The following PRKCA variants were observed in gnomAD, a reference collection of about 807,000 sequenced individuals.
PRKCA encodes protein kinase C alpha.
Under a neutral mutation model 87.0 loss-of-function variants are expected in PRKCA, and 27 were observed. The observed-to-expected ratio is 0.31, with a 90% CI of 0.23 to 0.43. The LOEUF (loss-of-function observed/expected upper bound fraction) is 0.43, where lower values mean the gene tolerates loss of function less well. PRKCA is among the 20% of genes least tolerant of loss of function. The pLI is 1.00. For synonymous variants in PRKCA, 329 were observed against 311.1 expected, an observed-to-expected ratio of 1.06 and a Z score of -0.61; for missense variants, 518 against 852.3, an observed-to-expected ratio of 0.61 and a Z score of 4.88.
intron 2 of PRKCA, among the ~76,000 whole-genome samples, chr17:66,459,207 A>AG (rs531512874): frequency 2.0e-5 from 1 of 49,966 alleles, no homozygotes; most frequent in Non-Finnish European, 5.2e-5. Flanking sequence ...TCCCTGTCTC[A>AG]AAAAAAAAAA....
chr17:66,346,506 A>G (rs536322898), intron 2 of PRKCA, among the ~76,000 whole-genome samples: 1 of 151,872 alleles, frequency 6.6e-6, no homozygotes, highest in East Asian at 1.9e-4. Context: ...CAGCCTCCCA[A>G]GTGGTTGGTT....
chr17:66,409,875 G>A (rs891495009), intron 2 of PRKCA, among the ~76,000 whole-genome samples: 8 of 152,200 alleles, frequency 5.3e-5, no homozygotes, highest in African/African-American at 1.4e-4. Flanking sequence ...CCGAGATCAC[G>A]CCACTGCACT....
intron 3 of PRKCA, among the ~76,000 whole-genome samples, chr17:66,541,277 G>A (rs1176137041): frequency 6.6e-6 from 1 of 152,198 alleles, no homozygotes; most frequent in African/African-American, 2.4e-5. Context: ...TTGTGGCTCA[G>A]TAAGAAGGTC....
chr17:66,561,511 G>C (rs796590990), intron 3 of PRKCA, among the ~76,000 whole-genome samples: 12 of 152,224 alleles, frequency 7.9e-5, no homozygotes, highest in African/African-American at 2.4e-4. Flanking sequence ...CACACCCAGG[G>C]ATAATTCCTG....
intron 3 of PRKCA, among the ~76,000 whole-genome samples, chr17:66,564,009 T>TC (rs1968806626): frequency 7.4e-6 from 1 of 135,252 alleles, no homozygotes; most frequent in African/African-American, 3.1e-5. Flanking sequence ...CTTCCTCCTT[T>TC]CTTTCTCTCT....
At chr17:66,346,417 A>G (rs1907373908) in intron 2 of PRKCA, among the ~76,000 whole-genome samples, 1 of 149,168 alleles carries the variant, frequency 6.7e-6, no homozygotes, top group Non-Finnish European at 1.5e-5. Context: ...TTTTAAATTA[A>G]AAAAAAAAAA....
chr17:66,416,463 G>C (rs1471956090), intron 2 of PRKCA: 1 of 152,282 alleles, frequency 6.6e-6, no homozygotes, highest in Non-Finnish European at 1.5e-5. Flanking sequence ...CCGGCAGCTG[G>C]GGACTGACAG....
chr17:66,387,347 A>G (rs1034321993), intron 2 of PRKCA, among the ~76,000 whole-genome samples: 1 of 152,204 alleles, frequency 6.6e-6, no homozygotes, highest in Non-Finnish European at 1.5e-5. Flanking sequence ...GGGTCAGATC[A>G]CCTCTAACAC....
At chr17:66,447,037 A>G (rs1430815404) in intron 2 of PRKCA, among the ~76,000 whole-genome samples, 6 of 152,170 alleles carry the variant, frequency 3.9e-5, no homozygotes, top group Admixed American at 3.3e-4. Flanking sequence ...CCAGTGTAAG[A>G]AGTAGTTTAG....
At chr17:66,352,804 C>T (rs1054764513) in intron 2 of PRKCA, among the ~76,000 whole-genome samples, 5 of 151,668 alleles carry the variant, frequency 3.3e-5, no homozygotes, top group East Asian at 1.9e-4. Context: ...CCTTGTGATC[C>T]GCCCGCCTCT....
intron 2 of PRKCA, among the ~76,000 whole-genome samples, chr17:66,317,832 A>G (rs544355680): frequency 3.3e-4 from 50 of 152,366 alleles, no homozygotes; most frequent in African/African-American, 9.4e-4. Context: ...GCATGCAACT[A>G]TACATCCTAA....
chr17:66,665,874 C>T (rs1195634240), intron 5 of PRKCA, among the ~76,000 whole-genome samples: 1 of 152,182 alleles, frequency 6.6e-6, no homozygotes, highest in Non-Finnish European at 1.5e-5. Context: ...CAGAAAAGCA[C>T]ACACATTAGG....
chr17:66,607,861 CCTTCAGTAA>C (rs1970254090), intron 3 of PRKCA, among the ~76,000 whole-genome samples: 2 of 152,076 alleles, frequency 1.3e-5, no homozygotes, highest in African/African-American at 4.8e-5. Context: ...TGGCACATAC[CCTTCAGTAA>C]AAAGAGGTTA....
chr17:66,456,706 C>T (rs930762872), intron 2 of PRKCA, among the ~76,000 whole-genome samples: 1 of 152,194 alleles, frequency 6.6e-6, no homozygotes, highest in Admixed American at 6.5e-5. Flanking sequence ...GCAGAAAAGA[C>T]AAAGGCCAAA....
chr17:66,741,413 T>G (rs1182671427), intron 11 of PRKCA, among the ~76,000 whole-genome samples: 1 of 152,224 alleles, frequency 6.6e-6, no homozygotes, highest in Non-Finnish European at 1.5e-5. Context: ...ATAAGCTACT[T>G]GTCCACCTTC....
intron 13 of PRKCA, among the ~76,000 whole-genome samples, chr17:66,753,872 T>A (rs1472950682): frequency 1.3e-5 from 2 of 152,154 alleles, no homozygotes; most frequent in African/African-American, 4.8e-5. Context: ...GGCACCTTCA[T>A]CCTGGACTTC....
intron 13 of PRKCA, among the ~76,000 whole-genome samples, chr17:66,771,432 T>G (rs1974931315): frequency 6.6e-6 from 1 of 152,202 alleles, no homozygotes; most frequent in Non-Finnish European, 1.5e-5. Context: ...GATATATTAT[T>G]AAATAAACAA....
At chr17:66,407,861 T>A (rs1447748468) in intron 2 of PRKCA, among the ~76,000 whole-genome samples, 1 of 152,228 alleles carries the variant, frequency 6.6e-6, no homozygotes, top group Non-Finnish European at 1.5e-5. Context: ...GCAAGCCCCA[T>A]TGAAAGTTTG....
intron 2 of PRKCA, among the ~76,000 whole-genome samples, chr17:66,489,842 G>A (rs973988958): frequency 6.0e-5 from 9 of 149,246 alleles, no homozygotes; most frequent in Non-Finnish European, 1.0e-4. Flanking sequence ...GTACAGTGGC[G>A]TGATCTCAGC....
Sources: allele counts gnomAD v4.1 joint callset (sites outside exome capture counted in the v4.1 genomes callset), GRCh38; gene constraint gnomAD v4.1.1; transcripts MANE v1.5; gene names NCBI Gene and HGNC (gene_info 2026-07-23, HGNC 2026-07-21).